The following PCDHGB1 variants were observed in gnomAD, a reference collection of about 807,000 sequenced individuals.
PCDHGB1 encodes the protein protocadherin gamma-B1.
In PCDHGB1, 34 loss-of-function variants were observed where a neutral mutation model predicts 56.6. The observed-to-expected ratio is 0.60, with a 90% CI of 0.46 to 0.80. The LOEUF is 0.80. Ranked by LOEUF, PCDHGB1 falls within the 30% of genes least tolerant of loss-of-function variation. The pLI is 0.00. For missense variants in PCDHGB1, 1,278 were observed against 1,204.6 expected (o/e 1.06, Z -0.90); for synonymous variants, 561 against 505.9 (o/e 1.11, Z -1.46).
At chr5:141,462,823 G>A (rs1420321501) in intron 1 of PCDHGB1, among the ~76,000 whole-genome samples, 1 of 152,170 alleles carries the variant, frequency 6.6e-6, no homozygotes, top group African/African-American at 2.4e-5. Flanking sequence ...TTGGACAGCA[G>A]ACATTGTAAA....
intron 1 of PCDHGB1, chr5:141,374,303 C>A: frequency 6.2e-7 from 1 of 1,613,938 alleles, no homozygotes; most frequent in Non-Finnish European, 8.5e-7. Context: ...TAGGATGCAG[C>A]TTTTCTCTCT....
At chr5:141,419,413 C>T (rs568417008) in intron 1 of PCDHGB1, 4 of 1,613,444 alleles carry the variant, frequency 2.5e-6, no homozygotes, top group African/African-American at 1.3e-5. Flanking sequence ...TCGCGCAGCG[C>T]GCCTTCGACC....
chr5:141,397,909 T>G lies in PCDHGB1; in HGVS notation c.2409+45240T>G, dbSNP rs1004406261. On this transcript the variant is annotated intron_variant, in intron 1 of 3. Coordinates refer to ENST00000523390, the MANE Select transcript of PCDHGB1 (RefSeq NM_018922.3). Reference sequence around the variant, plus strand: ...TTGGCCAAAGTGCAGAGCTTGGCGCTCCAGATCTCCTCGCGCAGCCGCAGC... The same window carrying G: ...TTGGCCAAAGTGCAGAGCTTGGCGCGCCAGATCTCCTCGCGCAGCCGCAGC... 114 of 677,396 alleles carry G rather than the reference T, an allele frequency of 1.7e-4. No individual in the cohort carries two copies. In the East Asian group the frequency reaches 2.8e-3, roughly 17 times the overall value. The allele number at this position is 677,396 out of a possible 1,614,324, so 42.0% of individuals were successfully genotyped here. A position where few individuals can be genotyped will look rare whatever the true frequency, so the allele number is the denominator to read the frequency against.
chr5:141,476,922 C>T lies in PCDHGB1; in HGVS notation c.2410-17885C>T. 4 of 1,614,120 alleles carry T rather than the reference C, an allele frequency of 2.5e-6. No individual in the cohort carries two copies. Among genetic ancestry groups the T allele is most frequent in the Non-Finnish European group, 2.5e-6 (3 of 1,180,050 alleles). On this transcript the variant is annotated intron_variant, in intron 1 of 3. Transcript: ENST00000523390. The surrounding 1 kb of genome is among the most constrained non-coding windows in gnomAD (Gnocchi z 7.6). ...ACGCGCGTGGTACAAGTCCTTGCAA[C>T]GGATCTGGATGAAGGCCCCAACGGT...
chr5:141,507,525 A>T (rs1053801558), intron 3 of PCDHGB1, among the ~76,000 whole-genome samples: 1 of 152,000 alleles, frequency 6.6e-6, no homozygotes, highest in Non-Finnish European at 1.5e-5. Context: ...ATGATTCCAG[A>T]GAGGCCAGAG....
At position 141,431,850 on chromosome 5, in the gene PCDHGB1, C is replaced by T; in HGVS notation, c.2410-62957C>T. On this transcript the variant is annotated intron_variant, in intron 1 of 3. Transcript: ENST00000523390. The surrounding 1 kb of genome is among the most constrained non-coding windows in gnomAD (Gnocchi z 4.8). ...GTTCCCGAAAACTCTCCCAGAGGGA[C>T]ATTAATTGCCCTTTTAAATGTAAAT... The T allele has an allele frequency of 1.9e-6, 3 of 1,614,234 alleles. No homozygotes were observed. The highest frequency in any genetic ancestry group is 2.2e-5 in the South Asian group (2 of 91,090).
At chr5:141,371,373 C>T in intron 1 of PCDHGB1, 1 of 1,613,972 alleles carries the variant, frequency 6.2e-7, no homozygotes, top group Non-Finnish European at 8.5e-7. Context: ...TGGTGGACAT[C>T]ACACTGCATA....
intron 1 of PCDHGB1, chr5:141,471,433 T>C (rs2099257619): frequency 6.6e-6 from 1 of 152,162 alleles, no homozygotes; most frequent in African/African-American, 2.4e-5. Flanking sequence ...GGAAAGTGTA[T>C]AATCTCATGT....
At chr5:141,441,340 C>T (rs2098240395) in intron 1 of PCDHGB1, 1 of 152,330 alleles carries the variant, frequency 6.6e-6, no homozygotes, top group Non-Finnish European at 1.5e-5. Flanking sequence ...CAATAATTAA[C>T]TACATGCTTG....
chr5:141,392,570 AG>A (rs1561637414), intron 1 of PCDHGB1: 1 of 443,018 alleles, frequency 2.3e-6, no homozygotes, highest in East Asian at 3.6e-5. Context: ...GTAACTATTT[AG>A]GACTGTAAGC....
chr5:141,403,377 T>G lies in PCDHGB1; in HGVS notation c.2409+50708T>G. 6.2e-7 allele frequency: 1 copy of G among 1,614,016 alleles called. No homozygotes were observed. The highest frequency in any genetic ancestry group is 8.5e-7 in the Non-Finnish European group (1 of 1,179,900). On this transcript the variant is annotated intron_variant, in intron 1 of 3. Transcript: ENST00000523390. ...CAGGCCGAAAGTCTGGAAGTAAAAA[T>G]TAACGAAATCGCGGTTCCTGGAGCA... is the stretch of plus-strand genomic sequence containing the variant.
Position 141,350,249 on chromosome 5 carries a change from A to AG in PCDHGB1, c.-11dup. On this transcript the variant is annotated 5_prime_UTR_variant, in exon 1 of 4. Transcript: ENST00000523390. Reference sequence around the variant, plus strand: ...ATCCCAGAGGAAAGAAGCTCCGCGGAGAGTTCCTGAAATGCAGAGAGCCAG... The same window carrying AG: ...ATCCCAGAGGAAAGAAGCTCCGCGGAGGAGTTCCTGAAATGCAGAGAGCCAG... 2.0e-6 allele frequency: 3 copies of AG among 1,506,754 alleles called. No individual in the cohort carries two copies. Among genetic ancestry groups the AG allele is most frequent in the South Asian group, 2.8e-5 (2 of 71,236 alleles). The allele number at this position is 1,506,754 out of a possible 1,614,324, so 93.3% of individuals were successfully genotyped here.
In PCDHGB1 at chr5:141,477,590, C is replaced by T. The variant is rs1465863595; in HGVS notation, c.2410-17217C>T. On this transcript the variant is annotated intron_variant, in intron 1 of 3. Coordinates refer to ENST00000523390, the MANE Select transcript of PCDHGB1 (RefSeq NM_018922.3). This position sits in a 1 kb window ranked among gnomAD's most constrained non-coding sequence, Gnocchi z 4.9. ...CCCCGACGCCCCGCAGAATGCTCGG[C>T]TTTCTTTCTTTCTCTTGGAGCAAGG... The T allele has an allele frequency of 1.2e-6, 2 of 1,614,122 alleles. No individual in the cohort carries two copies. Among genetic ancestry groups the T allele is most frequent in the South Asian group, 2.2e-5 (2 of 91,080 alleles).
chr5:141,450,470 A>AGTTT (rs199699353), intron 1 of PCDHGB1, among the ~76,000 whole-genome samples: 2,037 of 151,800 alleles, frequency 0.013, 39 homozygotes, highest in African/African-American at 0.044. Flanking sequence ...TTATATATAG[A>AGTTT]GTTTGTTTGT....
At chr5:141,364,626 G>A (rs1188040280) in intron 1 of PCDHGB1, 1 of 1,614,162 alleles carries the variant, frequency 6.2e-7, no homozygotes, top group East Asian at 2.2e-5. Flanking sequence ...TGCGCTCAGA[G>A]CCCACTGTGT....
chr5:141,413,832 C>T, intron 1 of PCDHGB1: 1 of 1,613,228 alleles, frequency 6.2e-7, no homozygotes. Context: ...TCACCGCCTC[C>T]GACGGGGGTG....
At chr5:141,410,258 G>C in intron 1 of PCDHGB1, 1 of 1,614,022 alleles carries the variant, frequency 6.2e-7, no homozygotes, top group Non-Finnish European at 8.5e-7. Context: ...TGACCCCCAG[G>C]CTGAACTGCA....
intron 1 of PCDHGB1, chr5:141,419,333 A>T (rs1219255880): frequency 6.2e-7 from 1 of 1,613,804 alleles, no homozygotes; most frequent in South Asian, 1.1e-5. Context: ...CTACTCTCTC[A>T]TTGCCAGCGA....
At position 141,373,993 on chromosome 5, in the gene PCDHGB1, G is replaced by A. The variant is rs1770007177; in HGVS notation, c.2409+21324G>A. ...TCGCATCCGGTCTCTGCTTGTTGAAGGACCTTCACCGCTATTTCTGAGAAG... is the reference window on the plus strand; with the variant it reads ...TCGCATCCGGTCTCTGCTTGTTGAAAGACCTTCACCGCTATTTCTGAGAAG... On this transcript the variant is annotated intron_variant, in intron 1 of 3. Coordinates refer to ENST00000523390, the MANE Select transcript of PCDHGB1 (RefSeq NM_018922.3). 3 of 1,234,728 alleles carry A rather than the reference G, an allele frequency of 2.4e-6. No homozygotes were observed. The Admixed American group carries it at 1.0e-4, about 42-fold the overall frequency. The allele number at this position is 1,234,728 out of a possible 1,614,324, so 76.5% of individuals were successfully genotyped here. A position where few individuals can be genotyped will look rare whatever the true frequency, so the allele number is the denominator to read the frequency against.
Sources: allele counts gnomAD v4.1 joint callset (sites outside exome capture counted in the v4.1 genomes callset), GRCh38; gene constraint gnomAD v4.1.1; non-coding constraint Gnocchi (gnomAD v3.1); transcripts MANE v1.5; gene names NCBI Gene and HGNC (gene_info 2026-07-23, HGNC 2026-07-21).